Variants in ANKRD36C observed in about 807,000 individuals in gnomAD.
The protein encoded by ANKRD36C is ankyrin repeat domain-containing protein 36C.
Under a neutral mutation model 276.4 loss-of-function variants are expected in ANKRD36C, and 61 were observed. The ratio of observed to expected loss-of-function variants is 0.22; its 90% CI spans 0.18 to 0.27. The LOEUF (loss-of-function observed/expected upper bound fraction) is 0.27. ANKRD36C is among the 10% of genes least tolerant of loss of function. ANKRD36C has a pLI of 1.00. For missense variants in ANKRD36C, 1,447 were observed against 2,032.3 expected (o/e 0.71, Z 5.54); for synonymous variants, 483 against 680.1 (o/e 0.71, Z 4.51).
At chr2:95,934,359 C>A (rs980665481) in intron 24 of ANKRD36C, among the ~76,000 whole-genome samples, 1 of 151,994 alleles carries the variant, frequency 6.6e-6, no homozygotes, top group Non-Finnish European at 1.5e-5. Flanking sequence ...AGCCCGAATG[C>A]CCATCAGTGA....
rs181181532 is a variant in ANKRD36C, at chr2:95,893,833, A to C, written c.2756-1973T>G. The stretch of plus-strand genomic sequence containing the variant: ...TCTGTCCTCCTGCCTGTATTAGCGT[A>C]GGCTTTAATGGCTTCTACTTTGTGT... On this transcript the variant is annotated intron_variant, in intron 44 of 66. Transcript: ENST00000456556. 23 of 1,564,476 alleles carry C rather than the reference A, an allele frequency of 1.5e-5. No homozygotes were observed. The Admixed American group carries it at 3.8e-4, about 26-fold the overall frequency.
At chr2:95,950,756 C>T (rs78179792) in exon 16 of ANKRD36C, 2 of 1,332,930 alleles carry the variant, frequency 1.5e-6, no homozygotes, top group African/African-American at 3.4e-5. Context: ...TACCTGTCAA[C>T]AGCCTCTTCA....
At chr2:95,930,839 C>T (rs1052086743) in intron 24 of ANKRD36C, among the ~76,000 whole-genome samples, 1 of 150,316 alleles carries the variant, frequency 6.7e-6, no homozygotes, top group Non-Finnish European at 1.5e-5. Context: ...AAACAAAAAA[C>T]AAAAATCTGA....
chr2:95,883,085 G>A (rs1276216929), intron 54 of ANKRD36C, among the ~76,000 whole-genome samples: 2 of 152,046 alleles, frequency 1.3e-5, no homozygotes, highest in Admixed American at 6.6e-5. Flanking sequence ...TCAAACCCAC[G>A]TGGTGTAATA....
At position 95,910,027 on chromosome 2, in the gene ANKRD36C, C is replaced by G. The variant is rs192428356; in HGVS notation, c.2653+2217G>C. 3.1e-3 allele frequency among the ~76,000 whole-genome samples: 467 copies of G among 151,382 alleles called. 4 individuals are homozygous for G. Among genetic ancestry groups the G allele is most frequent in the Middle Eastern group, 0.017 (5 of 294 alleles). On this transcript the variant is annotated intron_variant, in intron 42 of 66. Transcript: ENST00000456556. Reference sequence around the variant, plus strand: ...GTCTGTTCTTAGCAGTACGATGTGACGTCTGTAAAATCGATACTTCCTCTC... The same window carrying G: ...GTCTGTTCTTAGCAGTACGATGTGAGGTCTGTAAAATCGATACTTCCTCTC...
At chr2:95,871,050 T>A (rs1178856103) in intron 59 of ANKRD36C, among the ~76,000 whole-genome samples, 1 of 152,140 alleles carries the variant, frequency 6.6e-6, no homozygotes, top group East Asian at 1.9e-4. Context: ...TTGGTGTACC[T>A]GAAAGTCACG....
At chr2:95,903,661 A>C (rs1676721915) in intron 42 of ANKRD36C, among the ~76,000 whole-genome samples, 1 of 148,958 alleles carries the variant, frequency 6.7e-6, no homozygotes, top group Admixed American at 6.8e-5. Context: ...TATCTCTCTC[A>C]ACCATATGGT....
rs1415899834 is a variant in ANKRD36C, at chr2:95,857,578, G to A, written c.3897-86C>T. 21 of 1,358,566 alleles carry A rather than the reference G, an allele frequency of 1.5e-5. No individual in the cohort carries two copies. In the East Asian group the frequency reaches 3.2e-4, roughly 21 times the overall value. The allele number at this position is 1,358,566 out of a possible 1,614,324, so 84.2% of individuals were successfully genotyped here. ...TCTTACCCAAATTCCTACCTAAGGGGTCCAGGGAGTCGTGCCCTACAAACC... is the reference window on the plus strand; with the variant it reads ...TCTTACCCAAATTCCTACCTAAGGGATCCAGGGAGTCGTGCCCTACAAACC... On this transcript the variant is annotated intron_variant, in intron 61 of 66. Coordinates refer to ENST00000456556, the Ensembl canonical transcript of ANKRD36C.
chr2:95,854,398 A>C (rs930085707), intron 63 of ANKRD36C, among the ~76,000 whole-genome samples: 47 of 151,566 alleles, frequency 3.1e-4, no homozygotes, highest in African/African-American at 1.1e-3. Flanking sequence ...TACTCACTCC[A>C]TTCCTACTCT....
intron 24 of ANKRD36C, among the ~76,000 whole-genome samples, chr2:95,934,163 A>G (rs997114215): frequency 2.6e-5 from 4 of 152,188 alleles, no homozygotes; most frequent in African/African-American, 7.2e-5. Flanking sequence ...TGGGAGTGTC[A>G]ATTATTTCAA....
chr2:95,914,230 G>A, intron 39 of ANKRD36C, 45 bp downstream of exon 41: 2 of 1,559,130 alleles, frequency 1.3e-6, no homozygotes, highest in East Asian at 4.8e-5. Context: ...ATGTTTCATA[G>A]ACTATGCATT....
At chr2:95,962,136 C>T (rs1044503747) in intron 8 of ANKRD36C, among the ~76,000 whole-genome samples, 8 of 152,004 alleles carry the variant, frequency 5.3e-5, no homozygotes, top group Admixed American at 3.9e-4. Flanking sequence ...ATCATTCCTG[C>T]CAATTTCACT....
rs186274886 is a variant in ANKRD36C at position 95,965,497 on chromosome 2, C to T, written c.800-2950G>A. ...GGATTTTCTCAGGGTCATGACATGT[C>T]GAAAAGACATGCTTTAAGGGGGAAA... On this transcript the variant is annotated intron_variant, in intron 6 of 66. Transcript: ENST00000456556. Among the ~76,000 whole-genome samples, 524 of 152,220 alleles carry T rather than the reference C, an allele frequency of 3.4e-3. 3 individuals are homozygous for T. The highest frequency in any genetic ancestry group is 0.012 in the African/African-American group (501 of 41,560).
At chr2:95,903,112 A>G (rs1676705726) in intron 42 of ANKRD36C, 31 bp from the exon 53 acceptor site, 3 of 1,551,618 alleles carry the variant, frequency 1.9e-6, no homozygotes, top group Admixed American at 1.9e-5. Context: ...ATAATCACTC[A>G]TATGTAAAAA....
rs907693067 is a variant in ANKRD36C, at chr2:95,918,974, C to T, written c.2246-932G>A. Among the ~76,000 whole-genome samples the T allele has an allele frequency of 9.2e-5, 12 of 129,740 alleles. 1 individual carries two copies. The highest frequency in any genetic ancestry group is 2.5e-4 in the Admixed American group (3 of 12,094). The allele number at this position is 129,740 out of a possible 152,430, so 85.1% of individuals were successfully genotyped here. A position where few individuals can be genotyped will look rare whatever the true frequency, so the allele number is the denominator to read the frequency against. On this transcript the variant is annotated intron_variant, in intron 34 of 66. Transcript: ENST00000456556. Reference sequence around the variant, plus strand: ...TTCACCCAAGAGGTAGCTCCTGGAACAAGGAAGCCAATGTATTCATATTCA... The same window carrying T: ...TTCACCCAAGAGGTAGCTCCTGGAATAAGGAAGCCAATGTATTCATATTCA...
intron 46 of ANKRD36C, among the ~76,000 whole-genome samples, chr2:95,890,339 C>T (rs893338745): frequency 3.3e-5 from 5 of 151,506 alleles, no homozygotes; most frequent in Non-Finnish European, 7.4e-5. Flanking sequence ...AATGTCAAAG[C>T]AGGTGCTACA....
chr2:95,911,908 A>C (rs571801955), intron 42 of ANKRD36C, among the ~76,000 whole-genome samples: 2 of 151,460 alleles, frequency 1.3e-5, no homozygotes, highest in Non-Finnish European at 3.0e-5. Context: ...TGACGTCTGT[A>C]AAATCTGTAC....
chr2:95,960,630 G>A lies in ANKRD36C; in HGVS notation c.930+9C>T. 7.5e-7 allele frequency: 1 copy of A among 1,324,506 alleles called. No individual in the cohort carries two copies. The highest frequency in any genetic ancestry group is 2.5e-5 in the East Asian group (1 of 39,400). 82.0% of individuals were successfully genotyped at this position (1,324,506 alleles called of 1,614,324 possible). A position where few individuals can be genotyped will look rare whatever the true frequency, so the allele number is the denominator to read the frequency against. ...TTAATTATTCAAAATATGAATGAGA[G>A]TATAATACCTTCAAGGCCGGTTGTT... is the stretch of plus-strand genomic sequence containing the variant. On this transcript the variant is annotated intron_variant, in intron 9 of 66. Coordinates refer to ENST00000456556, the Ensembl canonical transcript of ANKRD36C.
chr2:95,961,206 A>G (rs1678450445), intron 8 of ANKRD36C, among the ~76,000 whole-genome samples: 1 of 152,084 alleles, frequency 6.6e-6, no homozygotes, highest in South Asian at 2.1e-4. Context: ...CAGCTTAAAT[A>G]TATGTTTGGT....
Sources: allele counts gnomAD v4.1 joint callset (sites outside exome capture counted in the v4.1 genomes callset), GRCh38; gene constraint gnomAD v4.1.1; transcripts MANE v1.5; gene names NCBI Gene and HGNC (gene_info 2026-07-23, HGNC 2026-07-21).